Variants in COL5A1 observed in about 807,000 individuals in gnomAD.
COL5A1 encodes collagen alpha-1(V) chain.
A neutral mutation model predicts 263.7 loss-of-function variants in COL5A1; 16 were observed. The ratio of observed to expected loss-of-function variants is 0.06; its 90% confidence interval spans 0.04 to 0.09. The LOEUF (loss-of-function observed/expected upper bound fraction) is 0.09, where lower values mean the gene tolerates loss of function less well. Among genes scored for constraint, COL5A1 ranks in the 10% least tolerant of loss-of-function variants. The pLI is 1.00. For missense variants in COL5A1, 2,036 were observed against 2,540.5 expected (o/e 0.80, Z 4.27); for synonymous variants, 1,012 against 1,004.5 (o/e 1.01, Z -0.14).
intron 18 of COL5A1, among the ~76,000 whole-genome samples, chr9:134,760,576 C>A (rs1174918938): frequency 2.4e-5 from 3 of 124,886 alleles, no homozygotes; most frequent in African/African-American, 1.0e-4. Flanking sequence ...CCACACACCC[C>A]CACACTCAGA....
At chr9:134,768,197 G>A (rs1836743603) in intron 24 of COL5A1, among the ~76,000 whole-genome samples, 1 of 152,226 alleles carries the variant, frequency 6.6e-6, no homozygotes, top group African/African-American at 2.4e-5. Flanking sequence ...CGTTCCTACA[G>A]CAGAACCTGA....
At chr9:134,817,637 A>G (rs1442154355) in intron 53 of COL5A1, 141 bp from the exon 54 acceptor site, 9 of 780,184 alleles carry the variant, frequency 1.2e-5, no homozygotes, top group South Asian at 4.5e-5. Flanking sequence ...GCAGCCCGGC[A>G]CACCCTGAGC....
At chr9:134,655,240 G>T (rs1021430495) in intron 1 of COL5A1, among the ~76,000 whole-genome samples, 1 of 151,902 alleles carries the variant, frequency 6.6e-6, no homozygotes, top group African/African-American at 2.4e-5. Flanking sequence ...CGAATGCACT[G>T]GGTGGCCTTG....
intron 63 of COL5A1, among the ~76,000 whole-genome samples, chr9:134,828,555 C>CCA (rs534263626): frequency 1.3e-4 from 19 of 149,188 alleles, no homozygotes; most frequent in Non-Finnish European, 2.7e-4. Context: ...GAGATACGCA[C>CCA]CACACACACA....
intron 14 of COL5A1, among the ~76,000 whole-genome samples, chr9:134,753,170 T>G (rs920448024): frequency 2.6e-5 from 4 of 152,120 alleles, no homozygotes; most frequent in Admixed American, 2.6e-4. Flanking sequence ...GTTCCAGAGT[T>G]GAAGATAACT....
rs181894936 is a variant in COL5A1, at chr9:134,739,296, G to A, written c.1494+488G>A. Among the ~76,000 whole-genome samples, 229 of 152,340 alleles carry A rather than the reference G, an allele frequency of 1.5e-3. 2 individuals are homozygous for A. Among genetic ancestry groups the A allele is most frequent in the African/African-American group, 5.3e-3 (221 of 41,584 alleles). On this transcript the variant is annotated intron_variant, in intron 11 of 65. Transcript: ENST00000371817. ...GAGGGAGAGCTGCTCCCTGGCTGCC[G>A]CGATTTCCTTCTGACACCTGGTGGG...
At chr9:134,760,341 AC>A (rs1283380162) in intron 18 of COL5A1, among the ~76,000 whole-genome samples, 2 of 73,626 alleles carry the variant, frequency 2.7e-5, no homozygotes, top group Non-Finnish European at 2.3e-5. Flanking sequence ...ATGCACACAC[AC>A]CCCCACACAC....
At chr9:134,788,026 T>A (rs1280265401) in intron 31 of COL5A1, among the ~76,000 whole-genome samples, 1 of 151,858 alleles carries the variant, frequency 6.6e-6, no homozygotes, top group African/African-American at 2.4e-5. Context: ...GGCAGATGGA[T>A]GAATGGGTAG....
Position 134,765,748 on chromosome 9 carries a change from C to T in COL5A1, c.2088+14C>T, listed in dbSNP as rs1836638651. On this transcript the variant is annotated intron_variant, in intron 21 of 65. Transcript: ENST00000371817. This position sits in a 1 kb window ranked among gnomAD's most constrained non-coding sequence, Gnocchi z 5.1. ...CCCGGACCTCCCGTAAGTCCCATTA[C>T]CGCCCTGCTTGTCTGCCCCCATCTC... 6.2e-7 allele frequency: 1 copy of T among 1,611,046 alleles called. No individual in the cohort carries two copies. Among genetic ancestry groups the T allele is most frequent in the Non-Finnish European group, 8.5e-7 (1 of 1,178,096 alleles).
intron 2 of COL5A1, among the ~76,000 whole-genome samples, chr9:134,699,406 C>T (rs1252452845): frequency 2.0e-5 from 3 of 152,058 alleles, no homozygotes; most frequent in Non-Finnish European, 4.4e-5. Context: ...ATTCTAGTGG[C>T]GGTTCGAGGC....
chr9:134,778,849 G>A (rs1168001282), intron 27 of COL5A1, among the ~76,000 whole-genome samples: 1 of 152,244 alleles, frequency 6.6e-6, no homozygotes, highest in Non-Finnish European at 1.5e-5. Context: ...CCACGCCGCT[G>A]CCCTGTCTGC....
intron 25 of COL5A1, 140 bp downstream of exon 25, chr9:134,768,603 C>T: frequency 3.6e-6 from 3 of 823,776 alleles, no homozygotes; most frequent in Non-Finnish European, 6.0e-6. Flanking sequence ...CCCGTTTGGT[C>T]TCCAGTTGGA....
At position 134,765,557 on chromosome 9, in the gene COL5A1, C is replaced by A. The variant is rs746344093; in HGVS notation, c.2035-124C>A. 2.0e-4 allele frequency: 164 copies of A among 831,312 alleles called. 1 individual carries two copies. Among genetic ancestry groups the A allele is most frequent in the South Asian group, 1.5e-3 (100 of 67,532 alleles). 51.5% of individuals were successfully genotyped at this position (831,312 alleles called of 1,614,324 possible). On this transcript the variant is annotated intron_variant, in intron 20 of 65. Transcript: ENST00000371817. The surrounding 1 kb of genome is among the most constrained non-coding windows in gnomAD (Gnocchi z 5.1). ...GAGTCTGGGCCTCACTCCTGGGAGG[C>A]CAGGAGGCCTGAGTCACCAGCTGGG...
intron 18 of COL5A1, among the ~76,000 whole-genome samples, chr9:134,759,705 T>C (rs56384404): frequency 0.28 from 10,394 of 37,316 alleles, 1,128 homozygotes; most frequent in African/African-American, 0.42. Flanking sequence ...TATGCACACA[T>C]GCACACACCC....
At chr9:134,709,362 A>T in intron 4 of COL5A1, 1 of 293,076 alleles carries the variant, frequency 3.4e-6, no homozygotes, top group Non-Finnish European at 6.6e-6. Flanking sequence ...CCCCGTGGGC[A>T]TCTCCCTGGT....
At chr9:134,832,496 T>C (rs1839677801) in intron 64 of COL5A1, among the ~76,000 whole-genome samples, 1 of 152,118 alleles carries the variant, frequency 6.6e-6, no homozygotes, top group South Asian at 2.1e-4. Context: ...CTGCAGAGAA[T>C]CCCTCCCACC....
At chr9:134,655,028 G>A (rs1831902214) in intron 1 of COL5A1, among the ~76,000 whole-genome samples, 1 of 130,694 alleles carries the variant, frequency 7.7e-6, no homozygotes. Flanking sequence ...GGTGTGTGTA[G>A]GGCTGGGGGT....
chr9:134,795,361 G>A (rs745932411), intron 34 of COL5A1, 46 bp downstream of exon 34: 38 of 1,582,316 alleles, frequency 2.4e-5, no homozygotes, highest in Admixed American at 1.8e-4. Flanking sequence ...AACCCAAGTT[G>A]CAAGGCTACA....
At chr9:134,710,441 C>A (rs967162370) in intron 4 of COL5A1, among the ~76,000 whole-genome samples, 1 of 152,204 alleles carries the variant, frequency 6.6e-6, no homozygotes, top group African/African-American at 2.4e-5. Context: ...ATCGAGACGC[C>A]CCGTCTGTTG....
Sources: gnomAD v4.1 joint callset for allele counts (sites outside exome capture counted in the v4.1 genomes callset) on GRCh38, gnomAD v4.1.1 for gene constraint, Gnocchi (gnomAD v3.1) non-coding constraint, MANE v1.5 for transcripts, NCBI Gene and HGNC (gene_info 2026-07-23, HGNC 2026-07-21) for gene names.